Variants in RRAGD observed in about 807,000 individuals in gnomAD.
RRAGD encodes Ras related GTP binding D, also known as ras-related GTP-binding protein D.
RRAGD carries 12 observed loss-of-function variants against 35.5 expected under a neutral mutation model. The ratio of observed to expected loss-of-function variants is 0.34; its 90% CI spans 0.22 to 0.55. The LOEUF (loss-of-function observed/expected upper bound fraction) is 0.55. Ranked by LOEUF, RRAGD falls within the 20% of genes least tolerant of loss-of-function variation. RRAGD has a pLI of 0.91. For synonymous variants in RRAGD, 155 were observed against 178.9 expected (o/e 0.87, Z 1.07); for missense variants, 324 against 490.1 (o/e 0.66, Z 3.20).
intron 1 of RRAGD, among the ~76,000 whole-genome samples, chr6:89,396,421 TTTTA>T (rs10647549): frequency 1.3e-5 from 2 of 151,420 alleles, no homozygotes; most frequent in Admixed American, 1.3e-4. Flanking sequence ...CTCAATTTTA[TTTTA>T]TTTATTTATT....
chr6:89,389,687 G>A (rs1769198464), intron 1 of RRAGD, among the ~76,000 whole-genome samples: 1 of 151,988 alleles, frequency 6.6e-6, no homozygotes, highest in Non-Finnish European at 1.5e-5. Flanking sequence ...CGCTTAATTG[G>A]TAAGCAGCCT....
rs907399080 is a variant in RRAGD at position 89,377,915 on chromosome 6, G to A, written c.760-102C>T. 17 of 857,934 alleles carry A rather than the reference G, an allele frequency of 2.0e-5. No individual in the cohort carries two copies. The African/African-American group carries it at 2.6e-4, about 13-fold the overall frequency. 53.1% of individuals were successfully genotyped at this position (857,934 alleles called of 1,614,324 possible). A position where few individuals can be genotyped will look rare whatever the true frequency, so the allele number is the denominator to read the frequency against. On this transcript the variant is annotated intron_variant, in intron 4 of 6. Transcript: ENST00000369415. ...CCATTCTTAATGTAAAATACAAAAT[G>A]AGCAAAACTCGCTACTAAAAATTTA...
At chr6:89,403,629 T>C (rs1279832983) in intron 1 of RRAGD, among the ~76,000 whole-genome samples, 2 of 18,610 alleles carry the variant, frequency 1.1e-4, no homozygotes, top group African/African-American at 2.5e-3. Context: ...TTCTTTTTCT[T>C]TTTTTTTTTT....
intron 1 of RRAGD, among the ~76,000 whole-genome samples, chr6:89,395,240 C>A (rs1216705080): frequency 1.3e-5 from 2 of 152,136 alleles, no homozygotes; most frequent in Non-Finnish European, 2.9e-5. Context: ...GCCTGGGCAA[C>A]AGAGTTAAGA....
intron 1 of RRAGD, among the ~76,000 whole-genome samples, chr6:89,394,509 T>C (rs2127893842): frequency 6.6e-6 from 1 of 152,350 alleles, no homozygotes; most frequent in East Asian, 1.9e-4. Context: ...GAAATAAAGA[T>C]ATTTTCAGAT....
chr6:89,408,278 G>C (rs1769624032), intron 1 of RRAGD, among the ~76,000 whole-genome samples: 1 of 152,210 alleles, frequency 6.6e-6, no homozygotes, highest in South Asian at 2.1e-4. Flanking sequence ...TCTGAGCCAT[G>C]ATTTCAGTAT....
At chr6:89,402,153 T>C (rs1769483202) in intron 1 of RRAGD, among the ~76,000 whole-genome samples, 1 of 148,766 alleles carries the variant, frequency 6.7e-6, no homozygotes, top group Admixed American at 6.9e-5. Flanking sequence ...GTTCAATCAG[T>C]TCTCCTGCCT....
At chr6:89,399,258 A>G (rs1769403073) in intron 1 of RRAGD, among the ~76,000 whole-genome samples, 1 of 152,204 alleles carries the variant, frequency 6.6e-6, no homozygotes, top group Non-Finnish European at 1.5e-5. Context: ...ATGCATGTTT[A>G]CATACACAGA....
At chr6:89,374,329 C>G (rs1308995561) in intron 5 of RRAGD, among the ~76,000 whole-genome samples, 1 of 152,144 alleles carries the variant, frequency 6.6e-6, no homozygotes, top group East Asian at 1.9e-4. Context: ...CAAGGGGGTA[C>G]AGTATCAAGC....
At chr6:89,374,511 G>T (rs749771378) in intron 5 of RRAGD, among the ~76,000 whole-genome samples, 1 of 152,078 alleles carries the variant, frequency 6.6e-6, no homozygotes, top group Non-Finnish European at 1.5e-5. Flanking sequence ...GAGGTGGATC[G>T]CCTGAGGTTG....
intron 6 of RRAGD, 117 bp from the exon 7 acceptor site, chr6:89,368,324 G>A: frequency 1.3e-6 from 1 of 796,906 alleles, no homozygotes; most frequent in Non-Finnish European, 1.9e-6. Flanking sequence ...CTTAGCGTAA[G>A]GACCAGAGAT....
Position 89,387,306 on chromosome 6 carries a change from T to C in RRAGD, c.433A>G (p.Ile145Val), listed in dbSNP as rs771754962. ...FRGTGALIFVIDSQDDYMEAL... is the reference protein window; with the variant it reads ...FRGTGALIFVVDSQDDYMEAL... Reference sequence around the variant, plus strand: ...ACTCTGAGCTTTACCTGTGAGTCAATGACAAATATCAGTGCTCCTGTTCCC... The same window carrying C: ...ACTCTGAGCTTTACCTGTGAGTCAACGACAAATATCAGTGCTCCTGTTCCC... Residue 145 changes from isoleucine to valine, a missense_variant, in exon 2 of 7, where the codon ATT (isoleucine) becomes GTT (valine). Physicochemically the swap from Ile to Val is conservative, Grantham distance 29 (BLOSUM62 3). This residue lies in a region of RRAGD where 152 missense variants were observed against 296.9 expected (regional missense o/e 0.51). Transcript: ENST00000369415. The C allele has an allele frequency of 6.2e-7, 1 of 1,613,440 alleles. No individual in the cohort carries two copies. Among genetic ancestry groups the C allele is most frequent in the Non-Finnish European group, 8.5e-7 (1 of 1,179,376 alleles).
chr6:89,387,080 G>A (rs1384784352), intron 2 of RRAGD, among the ~76,000 whole-genome samples: 3 of 152,194 alleles, frequency 2.0e-5, no homozygotes, highest in African/African-American at 7.2e-5. Flanking sequence ...CTAGGTCTAT[G>A]ATTTGCTGAA....
rs994859614 is a variant in RRAGD, at chr6:89,412,205, C to T, written c.-212G>A. 3.2e-6 allele frequency: 1 copy of T among 316,368 alleles called. No homozygotes were observed. Among genetic ancestry groups the T allele is most frequent in the Non-Finnish European group, 5.6e-6 (1 of 177,504 alleles). The allele number at this position is 316,368 out of a possible 1,614,324, so 19.6% of individuals were successfully genotyped here. A position where few individuals can be genotyped will look rare whatever the true frequency, so the allele number is the denominator to read the frequency against. On this transcript the variant is annotated 5_prime_UTR_variant, in exon 1 of 7. Coordinates refer to ENST00000369415, the MANE Select transcript of RRAGD (RefSeq NM_021244.5). The surrounding 1 kb of genome is among the most constrained non-coding windows in gnomAD (Gnocchi z 4.2). ...CGCGCCCGAAGCCCCCTCCCCCGCC[C>T]CGCCCGCCGGCGGAGGAGTCAGCCG... is the stretch of plus-strand genomic sequence containing the variant.
intron 1 of RRAGD, among the ~76,000 whole-genome samples, chr6:89,403,881 C>T (rs905305980): frequency 6.6e-6 from 1 of 152,054 alleles, no homozygotes; most frequent in Non-Finnish European, 1.5e-5. Context: ...TGGTCTTGAA[C>T]ACCTGGGCTC....
intron 4 of RRAGD, among the ~76,000 whole-genome samples, chr6:89,378,182 A>C (rs1331976568): frequency 6.6e-6 from 1 of 152,086 alleles, no homozygotes; most frequent in African/African-American, 2.4e-5. Flanking sequence ...CATGCCTGTA[A>C]TCCCAGCTAC....
At chr6:89,391,384 C>CAA (rs36108326) in intron 1 of RRAGD, among the ~76,000 whole-genome samples, 239 of 107,868 alleles carry the variant, frequency 2.2e-3, no homozygotes, top group African/African-American at 6.5e-3. Context: ...GACCCTGTCT[C>CAA]AAAAAAAAAA....
rs1249141511 is a variant in RRAGD, at chr6:89,387,278, G to A, written c.444+17C>T. 2.5e-6 allele frequency: 4 copies of A among 1,607,394 alleles called. No individual in the cohort carries two copies. The highest frequency in any genetic ancestry group is 1.3e-5 in the African/African-American group (1 of 74,884). ...GGACCGGCCAGGCCATCATACCCCT[G>A]AGACTCTGAGCTTTACCTGTGAGTC... On this transcript the variant is annotated intron_variant, in intron 2 of 6. Coordinates refer to ENST00000369415, the MANE Select transcript of RRAGD (RefSeq NM_021244.5).
chr6:89,387,551 G>A lies in RRAGD; in HGVS notation c.188C>T (p.Pro63Leu). ...FSDPFSTEVK[P>L]RILLMGLRRS... is the part of the protein sequence containing the mutation. The stretch of plus-strand genomic sequence containing the variant: ...CCTCAGGCCCATGAGCAGGATTCTC[G>A]GCTTCACTTCAGTGCTGAAGGGGTC... Residue 63 changes from proline (P) to leucine (L), a missense_variant, in exon 2 of 7, where the codon CCG becomes CTG. By Grantham distance (98) the Pro-to-Leu change is moderately conservative. Coordinates refer to ENST00000369415, the MANE Select transcript of RRAGD (RefSeq NM_021244.5). 2 of 1,614,048 alleles carry A rather than the reference G, an allele frequency of 1.2e-6. No homozygotes were observed. The highest frequency in any genetic ancestry group is 1.7e-6 in the Non-Finnish European group (2 of 1,180,006).
Sources: gnomAD v4.1 joint callset for allele counts (sites outside exome capture counted in the v4.1 genomes callset) on GRCh38, gnomAD v4.1.1 for gene constraint, gnomAD v4.1.1 regional missense constraint, Gnocchi (gnomAD v3.1) non-coding constraint, MANE v1.5 for transcripts, NCBI Gene and HGNC (gene_info 2026-07-23, HGNC 2026-07-21) for gene names.